The following SPIB variants were observed in gnomAD, a reference collection of about 807,000 sequenced individuals.
The protein encoded by SPIB is transcription factor Spi-B.
SPIB carries 7 observed loss-of-function variants against 31.9 expected under a neutral mutation model. The ratio of observed to expected loss-of-function variants is 0.22; its 90% CI spans 0.12 to 0.41. The LOEUF is 0.41. SPIB is among the 10% of genes least tolerant of loss of function. The pLI is 1.00. For synonymous variants in SPIB, 176 were observed against 158.9 expected (o/e 1.11, Z -0.81); for missense variants, 327 against 360.2 (o/e 0.91, Z 0.75).
chr19:50,419,576 CT>C (rs1345344553), intron 1 of SPIB, among the ~76,000 whole-genome samples: 1 of 152,186 alleles, frequency 6.6e-6, no homozygotes, highest in Admixed American at 6.5e-5. Flanking sequence ...ACCCAGACAT[CT>C]CTCCATCCTT....
chr19:50,422,974 C>A lies in SPIB; in HGVS notation c.276C>A (p.Ala92=), dbSNP rs749027444. 1.9e-6 allele frequency: 3 copies of A among 1,578,456 alleles called. No homozygotes were observed. Among genetic ancestry groups the A allele is most frequent in the Admixed American group, 1.8e-5 (1 of 54,762 alleles). The change falls in exon 4 of 6, where the codon GCC becomes GCA. Residue 92 remains alanine (A), a synonymous_variant. Transcript: ENST00000595883. ...TYSPAGNLEL[A]PSLEAPGPGL... ...GCCCTGCAGGGAACCTCGAACTGGC[C>A]CCCAGCCTGGAGGCCCCGGGGCCTG... is the stretch of plus-strand genomic sequence containing the variant.
chr19:50,422,522 A>G lies in SPIB; in HGVS notation c.101A>G (p.Tyr34Cys). 6.2e-7 allele frequency: 1 copy of G among 1,613,822 alleles called. No homozygotes were observed. The highest frequency in any genetic ancestry group is 8.5e-7 in the Non-Finnish European group (1 of 1,179,892). Residue 34 changes from tyrosine (Y) to cysteine (C), a missense_variant, in exon 3 of 6, where the codon TAC becomes TGC. Tyr to Cys is a radical substitution (Grantham distance 194). Transcript: ENST00000595883. The part of the protein sequence containing the change: ...YDLDSCKHSS[Y>C]PDSEGAPDSL... ...CTGGACAGCTGCAAGCATTCCAGCT[A>G]CCCTGATTCAGAGGGGGCTCCTGGT... is the stretch of plus-strand genomic sequence containing the variant.
In SPIB at chr19:50,430,309, G is replaced by C. The variant is rs2039625195; in HGVS notation, c.*1973G>C. On this transcript the variant is annotated 3_prime_UTR_variant, in exon 6 of 6. Coordinates refer to ENST00000595883, the MANE Select transcript of SPIB (RefSeq NM_003121.5). ...TATGGAGCCCTGGTTGGGACCCCCA[G>C]GGAGTCAAAGGCTGCGGGCCAAGAG... 6.6e-6 allele frequency: 1 copy of C among 152,250 alleles called. No homozygotes were observed. Among genetic ancestry groups the C allele is most frequent in the Admixed American group, 6.6e-5 (1 of 15,248 alleles). 9.4% of individuals were successfully genotyped at this position (152,250 alleles called of 1,614,324 possible).
Position 50,428,615 on chromosome 19 carries a change from A to T in SPIB, c.*279A>T, listed in dbSNP as rs1464610922. ...GGTGACAGGACCTATGGACCACTAT[A>T]CTCGGGGAGGCAGGGTAGCAGTTCT... is the stretch of plus-strand genomic sequence containing the variant. On this transcript the variant is annotated 3_prime_UTR_variant, in exon 6 of 6. Coordinates refer to ENST00000595883, the MANE Select transcript of SPIB (RefSeq NM_003121.5). The surrounding 1 kb of genome is among the most constrained non-coding windows in gnomAD (Gnocchi z 6.5). 2 of 400,382 alleles carry T rather than the reference A, an allele frequency of 5.0e-6. No individual in the cohort carries two copies. Among genetic ancestry groups the T allele is most frequent in the Non-Finnish European group, 8.9e-6 (2 of 225,680 alleles). The allele number at this position is 400,382 out of a possible 1,614,324, so 24.8% of individuals were successfully genotyped here.
In SPIB at chr19:50,418,983, A is replaced by G. The variant is rs755290861; in HGVS notation, c.21A>G (p.Ala7=). 31 of 1,553,220 alleles carry G rather than the reference A, an allele frequency of 2.0e-5. No individual in the cohort carries two copies. Among genetic ancestry groups the G allele is most frequent in the Non-Finnish European group, 2.5e-5 (29 of 1,148,588 alleles). The change falls in exon 1 of 6, where the codon GCA becomes GCG. Residue 7 remains alanine, a splice_region_variant and synonymous_variant. Transcript: ENST00000595883. The surrounding 1 kb of genome is among the most constrained non-coding windows in gnomAD (Gnocchi z 6.0). ...CCACCATGCTCGCCCTGGAGGCTGCACAGTAAGTGAGGGCCCCCAAACCTG... is the reference window on the plus strand; with the variant it reads ...CCACCATGCTCGCCCTGGAGGCTGCGCAGTAAGTGAGGGCCCCCAAACCTG... MLALEA[A]QLDGPHFSCL...
At position 50,429,854 on chromosome 19, in the gene SPIB, T is replaced by C. The variant is rs367664779; in HGVS notation, c.*1518T>C. 1 of 151,894 alleles carries C rather than the reference T, an allele frequency of 6.6e-6. No homozygotes were observed. The highest frequency in any genetic ancestry group is 1.5e-5 in the Non-Finnish European group (1 of 68,016). The allele number at this position is 151,894 out of a possible 1,614,324, so 9.4% of individuals were successfully genotyped here. ...CTGTCTCTACTAAAAATACAGAAAT[T>C]AGCTGGGCGTGGTGGCACGTGCCTG... On this transcript the variant is annotated 3_prime_UTR_variant, in exon 6 of 6. Coordinates refer to ENST00000595883, the MANE Select transcript of SPIB (RefSeq NM_003121.5).
rs2039513110 is a variant in SPIB at position 50,422,791 on chromosome 19, T to C, written c.125-32T>C. On this transcript the variant is annotated intron_variant, in intron 3 of 5. Coordinates refer to ENST00000595883, the MANE Select transcript of SPIB (RefSeq NM_003121.5). Reference sequence around the variant, plus strand: ...ACTGCGAGGAGGCCTCCGTGAGACATCCCAGCTTCTGACTCAGTGCCCTTC... The same window carrying C: ...ACTGCGAGGAGGCCTCCGTGAGACACCCCAGCTTCTGACTCAGTGCCCTTC... 2.8e-6 allele frequency: 4 copies of C among 1,424,122 alleles called. No homozygotes were observed. In the South Asian group the frequency reaches 5.1e-5, roughly 18 times the overall value. The allele number at this position is 1,424,122 out of a possible 1,614,324, so 88.2% of individuals were successfully genotyped here.
intron 1 of SPIB, among the ~76,000 whole-genome samples, chr19:50,419,521 C>T (rs1195523231): frequency 6.6e-6 from 1 of 152,154 alleles, no homozygotes; most frequent in Non-Finnish European, 1.5e-5. Flanking sequence ...TCCCACCTCT[C>T]CTTGAGCCTC....
intron 5 of SPIB, among the ~76,000 whole-genome samples, chr19:50,424,265 C>G (rs1032893610): frequency 1.3e-5 from 2 of 152,206 alleles, no homozygotes; most frequent in Non-Finnish European, 2.9e-5. Context: ...CCCCATCTCA[C>G]GGGGTTATGA....
At position 50,429,790 on chromosome 19, in the gene SPIB, T is replaced by A. The variant is rs915973742; in HGVS notation, c.*1454T>A. ...AGGCCGAGGCAGGCGGATCACGAGG[T>A]CGAGAGATCGAGACCATCCTGGCCA... On this transcript the variant is annotated 3_prime_UTR_variant, in exon 6 of 6. Transcript: ENST00000595883. The A allele has an allele frequency of 6.6e-6, 1 of 151,792 alleles. No individual in the cohort carries two copies. Among genetic ancestry groups the A allele is most frequent in the Non-Finnish European group, 1.5e-5 (1 of 68,024 alleles). The allele number at this position is 151,792 out of a possible 1,614,324, so 9.4% of individuals were successfully genotyped here. A position where few individuals can be genotyped will look rare whatever the true frequency, so the allele number is the denominator to read the frequency against.
rs1468309697 is a variant in SPIB at position 50,428,020 on chromosome 19, C to A, written c.491-18C>A. 2.0e-6 allele frequency: 3 copies of A among 1,491,914 alleles called. No homozygotes were observed. Among genetic ancestry groups the A allele is most frequent in the African/African-American group, 2.8e-5 (2 of 71,770 alleles). The allele number at this position is 1,491,914 out of a possible 1,614,324, so 92.4% of individuals were successfully genotyped here. ...TTAGGGACCCCTCACCTAACGCGTG[C>A]CCCCGACCCCACCGCAGGGACTCGC... On this transcript the variant is annotated intron_variant, in intron 5 of 5. Coordinates refer to ENST00000595883, the MANE Select transcript of SPIB (RefSeq NM_003121.5). The surrounding 1 kb of genome is among the most constrained non-coding windows in gnomAD (Gnocchi z 6.5).
intron 1 of SPIB, 174 bp from the exon 2 acceptor site, chr19:50,419,772 C>T: frequency 1.8e-6 from 1 of 540,840 alleles, no homozygotes; most frequent in Non-Finnish European, 3.1e-6. Flanking sequence ...CCACCCCCCA[C>T]TTCCTGTCCC....
At position 50,428,328 on chromosome 19, in the gene SPIB, C is replaced by A. The variant is rs773340304; in HGVS notation, c.781C>A (p.Arg261=). The stretch of plus-strand genomic sequence containing the variant: ...CAGCGCGCTGCTGCCTGCAGTCCGC[C>A]GGGCCTGAGCACACCCGAGGCTCCC... ...FDSALLPAVR[R]A Residue 261 remains arginine, a synonymous_variant, in exon 6 of 6, where the codon CGG becomes AGG. Transcript: ENST00000595883. This position sits in a 1 kb window ranked among gnomAD's most constrained non-coding sequence, Gnocchi z 6.5. The A allele has an allele frequency of 2.6e-6, 4 of 1,543,902 alleles. No homozygotes were observed. Among genetic ancestry groups the A allele is most frequent in the African/African-American group, 2.7e-5 (2 of 72,940 alleles).
chr19:50,419,017 G>A (rs750673739), intron 1 of SPIB, 32 bp downstream of exon 1: 1 of 1,550,364 alleles, frequency 6.5e-7, no homozygotes, highest in East Asian at 2.4e-5. Flanking sequence ...TGCACCCGGG[G>A]TCCCCACCTG....
At chr19:50,424,703 C>T (rs1306910729) in intron 5 of SPIB, among the ~76,000 whole-genome samples, 1 of 152,060 alleles carries the variant, frequency 6.6e-6, no homozygotes, top group African/African-American at 2.4e-5. Flanking sequence ...ATCGCTTGAA[C>T]CCAGGAGGCA....
At position 50,430,728 on chromosome 19, in the gene SPIB, G is replaced by A. The variant is rs2039630789; in HGVS notation, c.*2392G>A. On this transcript the variant is annotated 3_prime_UTR_variant, in exon 6 of 6. Transcript: ENST00000595883. ...CTGCACACCAGCCTGGGCGACAAGA[G>A]CGAAACTCCGTCTCAAAAAAAAAAA... 1 of 151,578 alleles carries A rather than the reference G, an allele frequency of 6.6e-6. No homozygotes were observed. Among genetic ancestry groups the A allele is most frequent in the African/African-American group, 2.4e-5 (1 of 41,112 alleles). 9.4% of individuals were successfully genotyped at this position (151,578 alleles called of 1,614,324 possible). A position where few individuals can be genotyped will look rare whatever the true frequency, so the allele number is the denominator to read the frequency against.
intron 5 of SPIB, among the ~76,000 whole-genome samples, chr19:50,427,692 C>T (rs1477683526): frequency 6.6e-6 from 1 of 152,254 alleles, no homozygotes; most frequent in African/African-American, 2.4e-5. Context: ...CTTTAAGCGG[C>T]GCTGTCAACC....
chr19:50,421,327 A>T (rs1296973750), intron 2 of SPIB, among the ~76,000 whole-genome samples: 2 of 151,954 alleles, frequency 1.3e-5, no homozygotes, highest in African/African-American at 4.8e-5. Context: ...AGATTTATTT[A>T]TTTATTTATT....
chr19:50,420,125 G>C (rs1007212814), intron 2 of SPIB, 152 bp downstream of exon 2: 2 of 620,838 alleles, frequency 3.2e-6, no homozygotes, highest in Non-Finnish European at 5.0e-6. Context: ...CCCCGCATCC[G>C]TATTTTTGAT....
Sources: gnomAD v4.1 joint callset for allele counts (sites outside exome capture counted in the v4.1 genomes callset) on GRCh38, gnomAD v4.1.1 for gene constraint, Gnocchi (gnomAD v3.1) non-coding constraint, MANE v1.5 for transcripts, NCBI Gene and HGNC (gene_info 2026-07-23, HGNC 2026-07-21) for gene names.